The following STXBP5L variants were observed in gnomAD, a reference collection of about 807,000 sequenced individuals.
STXBP5L encodes syntaxin-binding protein 5-like.
In STXBP5L, 65 loss-of-function variants were observed where a neutral mutation model predicts 144.5. The ratio of observed to expected loss-of-function variants is 0.45; its 90% CI spans 0.37 to 0.55. The LOEUF is 0.55. Ranked by LOEUF, STXBP5L falls within the 20% of genes least tolerant of loss-of-function variation. The pLI, the probability that STXBP5L is intolerant of heterozygous loss-of-function variation, is 0.00. For synonymous variants in STXBP5L, 505 were observed against 469.6 expected (o/e 1.08, Z -0.97); for missense variants, 1,298 against 1,405.5 (o/e 0.92, Z 1.22).
rs201865409 is a variant in STXBP5L at position 120,998,719 on chromosome 3, C to CA, written c.288-42976dup. On this transcript the variant is annotated intron_variant, in intron 3 of 26. Coordinates refer to ENST00000471454, the MANE Select transcript of STXBP5L (RefSeq NM_001308330.2). ...AAAAATCAATAGCATTCCTATACAC[C>CA]AAAAACATCCAAGCTGAGAGTTAAA... 7.8e-3 allele frequency among the ~76,000 whole-genome samples: 1,193 copies of CA among 152,132 alleles called. 13 individuals are homozygous for CA. Among genetic ancestry groups the CA allele is most frequent in the African/African-American group, 0.028 (1,150 of 41,474 alleles).
At chr3:121,285,520 G>A (rs1430092243) in intron 19 of STXBP5L, among the ~76,000 whole-genome samples, 1 of 151,990 alleles carries the variant, frequency 6.6e-6, no homozygotes, top group Non-Finnish European at 1.5e-5. Flanking sequence ...TTATTCCATA[G>A]GTTAGGCTCC....
At chr3:121,207,619 C>T (rs1293422208) in intron 10 of STXBP5L, among the ~76,000 whole-genome samples, 1 of 152,080 alleles carries the variant, frequency 6.6e-6, no homozygotes, top group Non-Finnish European at 1.5e-5. Flanking sequence ...CTACAATGAA[C>T]TCAAACAAAT....
At chr3:121,281,620 G>C (rs1306325102) in intron 19 of STXBP5L, among the ~76,000 whole-genome samples, 1 of 151,838 alleles carries the variant, frequency 6.6e-6, no homozygotes, top group Non-Finnish European at 1.5e-5. Flanking sequence ...GATATACACA[G>C]TGGGGCAAAA....
chr3:120,954,442 G>GT (rs932471397), intron 2 of STXBP5L, among the ~76,000 whole-genome samples: 10 of 151,700 alleles, frequency 6.6e-5, no homozygotes, highest in Admixed American at 1.3e-4. Flanking sequence ...TCTTAGCATA[G>GT]TTTTTTTTGA....
chr3:121,393,512 T>A (rs1221063218), intron 22 of STXBP5L, among the ~76,000 whole-genome samples: 1 of 152,214 alleles, frequency 6.6e-6, no homozygotes, highest in Admixed American at 6.5e-5. Context: ...CCTAAGCCAA[T>A]GTCCACACAA....
In STXBP5L at chr3:120,993,891, A is replaced by G. The variant is rs538883126; in HGVS notation, c.287+38854A>G. ...GAATGTACAGATGGCTTTGGGTAGT[A>G]TGGTCATTTAGATAATAATAATTCT... On this transcript the variant is annotated intron_variant, in intron 3 of 26. Transcript: ENST00000471454. 9.9e-5 allele frequency among the ~76,000 whole-genome samples: 15 copies of G among 152,058 alleles called. No individual in the cohort carries two copies. The East Asian group carries it at 2.9e-3, about 29-fold the overall frequency.
intron 23 of STXBP5L, 27 bp downstream of exon 23, chr3:121,407,630 G>A (rs2047023876): frequency 1.2e-6 from 2 of 1,611,896 alleles, no homozygotes; most frequent in African/African-American, 2.7e-5. Flanking sequence ...AAATTATCTG[G>A]TAATCACAAC....
intron 20 of STXBP5L, chr3:121,324,675 C>A: frequency 1.7e-6 from 1 of 582,346 alleles, no homozygotes; most frequent in South Asian, 2.2e-5. Context: ...AAACTTTATT[C>A]TCATTTGTTG....
At chr3:121,037,375 C>G (rs914509464) in intron 3 of STXBP5L, among the ~76,000 whole-genome samples, 5 of 151,734 alleles carry the variant, frequency 3.3e-5, no homozygotes, top group African/African-American at 1.2e-4. Flanking sequence ...ACCGTCCTTA[C>G]TATCTGGGAT....
chr3:121,024,167 A>G (rs753001131), intron 3 of STXBP5L, among the ~76,000 whole-genome samples: 1 of 152,188 alleles, frequency 6.6e-6, no homozygotes, highest in Non-Finnish European at 1.5e-5. Flanking sequence ...TTTGCAAAAC[A>G]TGTATCTAAA....
intron 3 of STXBP5L, among the ~76,000 whole-genome samples, chr3:120,974,194 C>T: frequency 6.6e-6 from 1 of 152,172 alleles, no homozygotes. Flanking sequence ...CACATCCTCT[C>T]TAGCACCTGT....
chr3:121,200,515 T>C (rs1295968710), intron 9 of STXBP5L, among the ~76,000 whole-genome samples: 3 of 152,212 alleles, frequency 2.0e-5, no homozygotes, highest in African/African-American at 7.2e-5. Context: ...TCTTGTCTTG[T>C]GCCAGCTTTT....
At chr3:120,938,940 C>A (rs1474880588) in intron 2 of STXBP5L, among the ~76,000 whole-genome samples, 1 of 151,994 alleles carries the variant, frequency 6.6e-6, no homozygotes, top group East Asian at 1.9e-4. Flanking sequence ...AAACACCATT[C>A]CTGGCTAATT....
At chr3:121,324,019 T>A (rs1355453) in intron 20 of STXBP5L, among the ~76,000 whole-genome samples, 18,311 of 152,224 alleles carry the variant, frequency 0.12, 1,156 homozygotes, top group Non-Finnish European at 0.14. Flanking sequence ...TCTTTTTCTA[T>A]ACTAGCATTA....
intron 5 of STXBP5L, among the ~76,000 whole-genome samples, chr3:121,092,439 A>G (rs1347649362): frequency 1.3e-5 from 2 of 151,974 alleles, no homozygotes; most frequent in Non-Finnish European, 2.9e-5. Flanking sequence ...TATCCTCTTT[A>G]AGTTCATTGA....
chr3:121,294,795 AAAC>A (rs2108473674), intron 19 of STXBP5L, among the ~76,000 whole-genome samples: 1 of 152,304 alleles, frequency 6.6e-6, no homozygotes, highest in South Asian at 2.1e-4. Flanking sequence ...AAACAAAACA[AAAC>A]AAAAAACCTG....
chr3:121,415,917 C>T lies in STXBP5L; in HGVS notation c.3175C>T (p.Leu1059Phe), dbSNP rs1244954411. ...ACCAGAAGCTCAAAACAGAGGCTTT[C>T]TCAAGGGACTGTTTGGTGGAAGCGG... ...ETPEAQNRGF[L>F]KGLFGGSGQT... Residue 1059 changes from leucine (L) to phenylalanine (F), a missense_variant, in exon 25 of 27, where the codon CTC (leucine) becomes TTC (phenylalanine). By Grantham distance (22) the Leu-to-Phe change is conservative. Coordinates refer to ENST00000471454, the MANE Select transcript of STXBP5L (RefSeq NM_001308330.2). The T allele has an allele frequency of 1.2e-6, 2 of 1,613,544 alleles. No individual in the cohort carries two copies. The highest frequency in any genetic ancestry group is 1.7e-6 in the Non-Finnish European group (2 of 1,179,666).
intron 19 of STXBP5L, among the ~76,000 whole-genome samples, chr3:121,310,845 G>T (rs994433219): frequency 2.7e-5 from 4 of 150,638 alleles, no homozygotes; most frequent in Non-Finnish European, 5.9e-5. Context: ...GGAGGTGAAG[G>T]TTGCAGTGAG....
intron 20 of STXBP5L, among the ~76,000 whole-genome samples, chr3:121,354,766 G>A (rs2045439665): frequency 6.6e-6 from 1 of 152,100 alleles, no homozygotes; most frequent in Non-Finnish European, 1.5e-5. Context: ...CCCGTTAACT[G>A]ATGCAGTTTC....
Sources: allele counts gnomAD v4.1 joint callset (sites outside exome capture counted in the v4.1 genomes callset), GRCh38; gene constraint gnomAD v4.1.1; transcripts MANE v1.5; gene names NCBI Gene and HGNC (gene_info 2026-07-23, HGNC 2026-07-21).